The following NMT2 variants were observed in gnomAD, a reference collection of about 807,000 sequenced individuals.
The protein encoded by NMT2 is N-myristoyltransferase 2, also known as glycylpeptide N-tetradecanoyltransferase 2.
A neutral mutation model predicts 65.4 loss-of-function variants in NMT2; 35 were observed. That is an observed-to-expected ratio of 0.54 (90% CI 0.41 to 0.71). The LOEUF is 0.71. Among genes scored for constraint, NMT2 ranks in the 30% least tolerant of loss-of-function variants. NMT2 has a pLI of 0.00. For synonymous variants in NMT2, 226 were observed against 231.8 expected (o/e 0.98, Z 0.23); for missense variants, 489 against 611.3 (o/e 0.80, Z 2.11).
chr10:15,158,953 G>T (rs958117795), intron 1 of NMT2, among the ~76,000 whole-genome samples: 10 of 152,294 alleles, frequency 6.6e-5, no homozygotes, highest in Middle Eastern at 3.4e-3. Flanking sequence ...ACACCATCAC[G>T]TTGGGGATTT....
At chr10:15,153,802 A>T (rs906714214) in intron 1 of NMT2, among the ~76,000 whole-genome samples, 1 of 151,582 alleles carries the variant, frequency 6.6e-6, no homozygotes, top group Non-Finnish European at 1.5e-5. Flanking sequence ...GGTGCCCGCC[A>T]CCACGCCCGG....
At chr10:15,119,562 A>T in intron 8 of NMT2, 49 bp from the exon 9 acceptor site, 1 of 1,553,082 alleles carries the variant, frequency 6.4e-7, no homozygotes, top group Non-Finnish European at 8.9e-7. Flanking sequence ...GTAGAAGAGG[A>T]GTGAAACGAC....
intron 1 of NMT2, among the ~76,000 whole-genome samples, chr10:15,146,942 A>C (rs774504193): frequency 6.6e-6 from 1 of 151,896 alleles, no homozygotes; most frequent in Non-Finnish European, 1.5e-5. Context: ...AAAAAATTAA[A>C]ATTAGCCAGA....
At chr10:15,129,907 CAAAAAAAAAAA>C (rs753710829) in intron 7 of NMT2, among the ~76,000 whole-genome samples, 1 of 57,204 alleles carries the variant, frequency 1.7e-5, no homozygotes, top group Non-Finnish European at 3.8e-5. Context: ...GAGTCTGCCT[CAAAAAAAAAAA>C]AAAAAAAAAA....
intron 1 of NMT2, among the ~76,000 whole-genome samples, chr10:15,166,911 A>C (rs1257819680): frequency 6.6e-6 from 1 of 152,172 alleles, no homozygotes; most frequent in Non-Finnish European, 1.5e-5. Context: ...AAGAAGTCCT[A>C]ATCAAGCCCC....
At chr10:15,116,464 C>G (rs1023287836) in intron 9 of NMT2, among the ~76,000 whole-genome samples, 1 of 152,076 alleles carries the variant, frequency 6.6e-6, no homozygotes, top group Non-Finnish European at 1.5e-5. Flanking sequence ...TAAATGCTTA[C>G]TAGTAACAGG....
At chr10:15,141,686 T>A (rs1360183914) in intron 1 of NMT2, 129 bp from the exon 2 acceptor site, 1 of 1,225,904 alleles carries the variant, frequency 8.2e-7, no homozygotes, top group African/African-American at 1.5e-5. Context: ...TGTGTTAGGA[T>A]GTAGGTGAGG....
chr10:15,160,773 CAAAAAAT>C (rs1323499272), intron 1 of NMT2, among the ~76,000 whole-genome samples: 1 of 150,750 alleles, frequency 6.6e-6, no homozygotes, highest in Non-Finnish European at 1.5e-5. Context: ...GACTCCATTG[CAAAAAAT>C]AAAAAATAAA....
At chr10:15,113,085 C>A (rs942052610) in intron 9 of NMT2, 122 bp from the exon 10 acceptor site, 6 of 1,060,766 alleles carry the variant, frequency 5.7e-6, no homozygotes, top group Non-Finnish European at 8.4e-6. Context: ...ACTTCTTTCT[C>A]GGCAGTCCAA....
intron 1 of NMT2, among the ~76,000 whole-genome samples, chr10:15,154,180 C>T (rs1008741972): frequency 6.6e-6 from 1 of 152,202 alleles, no homozygotes; most frequent in Admixed American, 6.5e-5. Flanking sequence ...GACTTCCTAC[C>T]ACTGGTACAC....
chr10:15,111,490 A>G (rs1385801813), intron 10 of NMT2, among the ~76,000 whole-genome samples: 1 of 148,336 alleles, frequency 6.7e-6, no homozygotes, highest in East Asian at 2.0e-4. Flanking sequence ...CAGCCTGGGT[A>G]ACACAGCAAG....
intron 1 of NMT2, among the ~76,000 whole-genome samples, chr10:15,161,095 A>AAAAAAAAAAAAAAAAAAC (rs1833176955): frequency 6.8e-6 from 1 of 147,546 alleles, no homozygotes; most frequent in African/African-American, 2.6e-5. Context: ...AAAAAAAAAA[A>AAAAAAAAAAAAAAAAAAC]AAAAAAAAAA....
intron 10 of NMT2, among the ~76,000 whole-genome samples, chr10:15,111,054 A>G (rs532518668): frequency 5.3e-5 from 8 of 152,126 alleles, no homozygotes; most frequent in Admixed American, 2.0e-4. Context: ...GGCCTTCCAA[A>G]GTGCTGGGAT....
chr10:15,152,431 A>C (rs1323785383), intron 1 of NMT2, among the ~76,000 whole-genome samples: 1 of 152,268 alleles, frequency 6.6e-6, no homozygotes, highest in Non-Finnish European at 1.5e-5. Flanking sequence ...GGGATGGCTT[A>C]AAGCTGGGAC....
At chr10:15,168,454 G>C (rs776555172) in intron 1 of NMT2, 49 bp downstream of exon 1, 1 of 1,390,040 alleles carries the variant, frequency 7.2e-7, no homozygotes, top group Non-Finnish European at 1.0e-6. Context: ...ACCGTGGCGC[G>C]CGCGGTCCCC....
intron 6 of NMT2, among the ~76,000 whole-genome samples, chr10:15,131,311 C>CCT: frequency 6.6e-6 from 1 of 151,078 alleles, no homozygotes; most frequent in Non-Finnish European, 1.5e-5. Context: ...ACGTTTCTTT[C>CCT]CTTTTTTTTT....
intron 1 of NMT2, among the ~76,000 whole-genome samples, chr10:15,158,091 G>A (rs1039289777): frequency 2.0e-5 from 3 of 152,118 alleles, no homozygotes; most frequent in Non-Finnish European, 2.9e-5. Context: ...AAAGGAGGGC[G>A]GATCACTTGA....
intron 6 of NMT2, 34 bp downstream of exon 6, chr10:15,132,783 T>C (rs182249798): frequency 7.6e-6 from 11 of 1,440,460 alleles, no homozygotes; most frequent in East Asian, 2.3e-5. Context: ...AAAATAAACA[T>C]ATAAAAACCG....
At chr10:15,109,451 A>G (rs1008451055) in intron 11 of NMT2, among the ~76,000 whole-genome samples, 3 of 152,058 alleles carry the variant, frequency 2.0e-5, no homozygotes, top group Admixed American at 2.0e-4. Context: ...GGTGGATGTA[A>G]TCCCAGCTAC....
Sources: gnomAD v4.1 joint callset for allele counts (sites outside exome capture counted in the v4.1 genomes callset) on GRCh38, gnomAD v4.1.1 for gene constraint, MANE v1.5 for transcripts, NCBI Gene and HGNC (gene_info 2026-07-23, HGNC 2026-07-21) for gene names.